Variants in PTPRD observed in about 807,000 individuals in gnomAD.
PTPRD encodes receptor-type tyrosine-protein phosphatase delta.
PTPRD carries 34 observed loss-of-function variants against 214.5 expected under a neutral mutation model. That is an observed-to-expected ratio of 0.16 (90% CI 0.12 to 0.21). PTPRD has a LOEUF of 0.21. Ranked by LOEUF, PTPRD falls within the 10% of genes least tolerant of loss-of-function variation. The pLI, the probability that PTPRD is intolerant of heterozygous loss-of-function variation, is 1.00. For synonymous variants in PTPRD, 1,128 were observed against 845.7 expected (o/e 1.33, Z -5.79); for missense variants, 2,545 against 2,398.7 (o/e 1.06, Z -1.27).
At chr9:8,540,552 G>C (rs2078145412) in intron 14 of PTPRD, among the ~76,000 whole-genome samples, 1 of 152,108 alleles carries the variant, frequency 6.6e-6, no homozygotes, top group Non-Finnish European at 1.5e-5. Context: ...TTTTTATTTA[G>C]AGAAATGATA....
intron 3 of PTPRD, among the ~76,000 whole-genome samples, chr9:10,312,116 T>C (rs1050420091): frequency 9.2e-5 from 14 of 151,986 alleles, no homozygotes; most frequent in African/African-American, 2.4e-4. Flanking sequence ...AGATGGAATA[T>C]AGTCAGTAGT....
intron 3 of PTPRD, among the ~76,000 whole-genome samples, chr9:10,108,157 T>C (rs574445169): frequency 1.3e-5 from 2 of 152,190 alleles, no homozygotes; most frequent in South Asian, 4.1e-4. Context: ...GAATTTGTTA[T>C]ATTGTTTTCT....
intron 5 of PTPRD, among the ~76,000 whole-genome samples, chr9:9,914,897 C>A (rs1431720512): frequency 6.6e-6 from 1 of 152,178 alleles, no homozygotes; most frequent in Non-Finnish European, 1.5e-5. Context: ...GGAAGACATG[C>A]TTCCAGGCTG....
intron 4 of PTPRD, among the ~76,000 whole-genome samples, chr9:10,020,034 G>T (rs1311478104): frequency 1.3e-5 from 2 of 152,132 alleles, no homozygotes; most frequent in East Asian, 3.9e-4. Context: ...TTTTACTCTT[G>T]TTTTATATAA....
intron 2 of PTPRD, among the ~76,000 whole-genome samples, chr9:10,478,343 T>C (rs1202004195): frequency 6.6e-6 from 1 of 152,150 alleles, no homozygotes; most frequent in Admixed American, 6.6e-5. Context: ...AGCTTACCAT[T>C]TGCTATGTGA....
intron 9 of PTPRD, among the ~76,000 whole-genome samples, chr9:9,324,689 A>G (rs1968859446): frequency 6.6e-6 from 1 of 151,944 alleles, no homozygotes; most frequent in Non-Finnish European, 1.5e-5. Flanking sequence ...GAAGCTCTTT[A>G]GTTTAATTCG....
At chr9:10,363,801 A>T (rs761585873) in intron 2 of PTPRD, among the ~76,000 whole-genome samples, 7 of 152,080 alleles carry the variant, frequency 4.6e-5, no homozygotes, top group Non-Finnish European at 1.0e-4. Context: ...GCTTGATTCC[A>T]TTCATTTCAC....
chr9:10,546,842 T>G lies in PTPRD; in HGVS notation c.-600+65556A>C, dbSNP rs139506257. Among the ~76,000 whole-genome samples, 597 of 152,138 alleles carry G rather than the reference T, an allele frequency of 3.9e-3. 8 individuals are homozygous for G. Among genetic ancestry groups the G allele is most frequent in the East Asian group, 0.014 (74 of 5,182 alleles). ...CCAGATAGATGGATACATAGCAAAA[T>G]AGGGAAAAATAGAAAATTCCCCATT... On this transcript the variant is annotated intron_variant, in intron 2 of 45. Transcript: ENST00000381196.
At position 8,864,444 on chromosome 9, in the gene PTPRD, C is replaced by T. The variant is rs190097845; in HGVS notation, c.-103-130498G>A. Among the ~76,000 whole-genome samples the T allele has an allele frequency of 3.9e-5, 6 of 152,228 alleles. No individual in the cohort carries two copies. In the East Asian group the frequency reaches 7.7e-4, roughly 20 times the overall value. ...CAATGGTTAGGAAGAGAGAAATAAA[C>T]GAGAGTAAAACACGAAGCACAGCAG... On this transcript the variant is annotated intron_variant, in intron 11 of 45. Coordinates refer to ENST00000381196, the MANE Select transcript of PTPRD (RefSeq NM_002839.4).
intron 9 of PTPRD, among the ~76,000 whole-genome samples, chr9:9,391,532 A>G (rs1042919215): frequency 3.9e-5 from 6 of 152,184 alleles, no homozygotes; most frequent in Non-Finnish European, 7.4e-5. Context: ...CAATGATTTT[A>G]ATCAAGGCAC....
intron 14 of PTPRD, among the ~76,000 whole-genome samples, chr9:8,600,092 T>G (rs2094746718): frequency 6.6e-6 from 1 of 152,192 alleles, no homozygotes; most frequent in South Asian, 2.1e-4. Flanking sequence ...ATCTATGTGC[T>G]TGGGATGGGT....
At chr9:10,272,893 C>T (rs1011007202) in intron 3 of PTPRD, among the ~76,000 whole-genome samples, 1 of 152,142 alleles carries the variant, frequency 6.6e-6, no homozygotes, top group Non-Finnish European at 1.5e-5. Flanking sequence ...TAATAAATGT[C>T]TTTCTTCTGT....
intron 3 of PTPRD, among the ~76,000 whole-genome samples, chr9:10,088,737 C>A (rs1403030654): frequency 1.3e-5 from 2 of 151,692 alleles, no homozygotes; most frequent in East Asian, 1.9e-4. Context: ...CTATCTACAT[C>A]TTTGGATGTT....
At chr9:9,935,746 CA>C (rs796128883) in intron 5 of PTPRD, among the ~76,000 whole-genome samples, 16,646 of 141,498 alleles carry the variant, frequency 0.12, 2,425 homozygotes, top group African/African-American at 0.39. Flanking sequence ...CATATGGAAC[CA>C]AAAAAAAAGC....
At chr9:10,381,118 A>T (rs1273150738) in intron 2 of PTPRD, among the ~76,000 whole-genome samples, 1 of 151,830 alleles carries the variant, frequency 6.6e-6, no homozygotes, top group Non-Finnish European at 1.5e-5. Context: ...AAAAGACAAA[A>T]AGTAACCCAA....
intron 9 of PTPRD, among the ~76,000 whole-genome samples, chr9:9,321,996 C>T (rs1292950597): frequency 6.6e-6 from 1 of 152,250 alleles, no homozygotes; most frequent in East Asian, 1.9e-4. Context: ...GTAAGTATTA[C>T]AGTCTTAAAA....
intron 7 of PTPRD, among the ~76,000 whole-genome samples, chr9:9,652,519 TTGCC>T (rs1435007981): frequency 6.6e-6 from 1 of 152,188 alleles, no homozygotes; most frequent in East Asian, 1.9e-4. Flanking sequence ...AATACCTTTA[TTGCC>T]TATCTGAAAG....
chr9:9,074,445 A>G (rs866904206), intron 10 of PTPRD, among the ~76,000 whole-genome samples: 4 of 152,106 alleles, frequency 2.6e-5, no homozygotes, highest in Non-Finnish European at 5.9e-5. Flanking sequence ...GTCAGGGTTG[A>G]CACTGGGATT....
intron 3 of PTPRD, among the ~76,000 whole-genome samples, chr9:10,319,078 A>T (rs1158128614): frequency 6.6e-6 from 1 of 152,066 alleles, no homozygotes; most frequent in Non-Finnish European, 1.5e-5. Context: ...CATTCATTAT[A>T]GAAAAATAGA....
Sources: gnomAD v4.1 joint callset for allele counts (sites outside exome capture counted in the v4.1 genomes callset) on GRCh38, gnomAD v4.1.1 for gene constraint, MANE v1.5 for transcripts, NCBI Gene and HGNC (gene_info 2026-07-23, HGNC 2026-07-21) for gene names.